Variants in SFMBT2 observed in about 807,000 individuals in gnomAD.
SFMBT2 encodes the protein Scm like with four mbt domains 2.
SFMBT2 carries 38 observed loss-of-function variants against 110.1 expected under a neutral mutation model. That is an observed-to-expected ratio of 0.35 (90% CI 0.27 to 0.45). The LOEUF is 0.45. Ranked by LOEUF, SFMBT2 falls within the 20% of genes least tolerant of loss-of-function variation. The pLI is 1.00. For missense variants in SFMBT2, 1,011 were observed against 1,094.9 expected, an observed-to-expected ratio of 0.92 and a Z score of 1.08; for synonymous variants, 425 against 425.4, an observed-to-expected ratio of 1.00 and a Z score of 0.01.
In SFMBT2 at chr10:7,159,034, T is replaced by C. The variant is rs1284986231; in HGVS notation, c.*4736A>G. 1 of 152,204 alleles carries C rather than the reference T, an allele frequency of 6.6e-6. No homozygotes were observed. The highest frequency in any genetic ancestry group is 1.5e-5 in the Non-Finnish European group (1 of 68,034). The allele number at this position is 152,204 out of a possible 1,614,324, so 9.4% of individuals were successfully genotyped here. A position where few individuals can be genotyped will look rare whatever the true frequency, so the allele number is the denominator to read the frequency against. ...CATTTAAAAAAATTTGCCTCAAATT[T>C]TTCATCCTAAGGTGATTTTTAGCCA... On this transcript the variant is annotated 3_prime_UTR_variant, in exon 21 of 21. Coordinates refer to ENST00000397167, the MANE Select transcript of SFMBT2 (RefSeq NM_001387889.1).
rs983062704 is a variant in SFMBT2, at chr10:7,203,717, C to G, written c.1445-1195G>C. The G allele has an allele frequency of 1.5e-5, 14 of 952,808 alleles. No homozygotes were observed. The African/African-American group carries it at 2.5e-4, about 17-fold the overall frequency. 59.0% of individuals were successfully genotyped at this position (952,808 alleles called of 1,614,324 possible). A position where few individuals can be genotyped will look rare whatever the true frequency, so the allele number is the denominator to read the frequency against. ...GGCTGAGCAAGGTCAGAATCTGCAG[C>G]TTTTTTTTTGTGAGACAGAGCGGAG... is the stretch of plus-strand genomic sequence containing the variant. On this transcript the variant is annotated intron_variant, in intron 12 of 20. Coordinates refer to ENST00000397167, the MANE Select transcript of SFMBT2 (RefSeq NM_001387889.1).
chr10:7,236,714 C>G (rs2131700362), intron 9 of SFMBT2, among the ~76,000 whole-genome samples: 1 of 151,860 alleles, frequency 6.6e-6, no homozygotes, highest in South Asian at 2.1e-4. Context: ...GAAAACACAT[C>G]AGTAGGAAGG....
rs968452187 is a variant in SFMBT2 at position 7,199,158 on chromosome 10, T to C, written c.1558+1256A>G. ...CATGCCCGGCTAATTTTTGTATTTT[T>C]AGTAGAGACAAGGTCTCACCATGTT... On this transcript the variant is annotated intron_variant, in intron 14 of 20. Transcript: ENST00000397167. 5.9e-5 allele frequency among the ~76,000 whole-genome samples: 9 copies of C among 152,012 alleles called. No homozygotes were observed. In the South Asian group the frequency reaches 1.9e-3, roughly 32 times the overall value.
intron 11 of SFMBT2, chr10:7,206,449 A>G (rs1257840786): frequency 2.0e-6 from 2 of 985,432 alleles, no homozygotes; most frequent in Non-Finnish European, 2.4e-6. Flanking sequence ...AAACTCAAAA[A>G]CAAGGTTTAT....
chr10:7,400,593 G>A (rs1433426337), intron 1 of SFMBT2, among the ~76,000 whole-genome samples: 1 of 152,266 alleles, frequency 6.6e-6, no homozygotes, highest in African/African-American at 2.4e-5. Context: ...GCTTGGCAGG[G>A]ATTAGCTCCT....
In SFMBT2 at chr10:7,247,001, G is replaced by A. The variant is rs550569601; in HGVS notation, c.972+1547C>T. 1.3e-4 allele frequency among the ~76,000 whole-genome samples: 20 copies of A among 152,240 alleles called. No individual in the cohort carries two copies. In the South Asian group the frequency reaches 4.0e-3, roughly 30 times the overall value. ...CTCCAAAGGCCATTTCAAATAAAAG[G>A]TTTTTAACGGATGCTAATCAGGAAT... is the stretch of plus-strand genomic sequence containing the variant. On this transcript the variant is annotated intron_variant, in intron 8 of 20. Transcript: ENST00000397167.
intron 1 of SFMBT2, among the ~76,000 whole-genome samples, chr10:7,398,786 A>G (rs1845992428): frequency 6.6e-6 from 1 of 152,160 alleles, no homozygotes; most frequent in Non-Finnish European, 1.5e-5. Context: ...AGCTAAGTAA[A>G]CCTTATATTC....
chr10:7,400,359 T>C (rs973939740), intron 1 of SFMBT2, among the ~76,000 whole-genome samples: 3 of 152,210 alleles, frequency 2.0e-5, no homozygotes, highest in African/African-American at 7.2e-5. Flanking sequence ...ACACTGTCTG[T>C]TTCTGTACAA....
intron 7 of SFMBT2, among the ~76,000 whole-genome samples, chr10:7,250,357 G>A (rs915667413): frequency 6.6e-6 from 1 of 152,126 alleles, no homozygotes; most frequent in Admixed American, 6.5e-5. Flanking sequence ...TTCTGATCCT[G>A]CATTAGTTTG....
intron 4 of SFMBT2, among the ~76,000 whole-genome samples, chr10:7,344,974 A>AG (rs1301363362): frequency 6.6e-6 from 1 of 151,342 alleles, no homozygotes; most frequent in East Asian, 1.9e-4. Flanking sequence ...AAAAAAAAAA[A>AG]AAAAAAGAGC....
chr10:7,186,570 A>G (rs988771624), intron 16 of SFMBT2, among the ~76,000 whole-genome samples: 3 of 151,912 alleles, frequency 2.0e-5, no homozygotes, highest in Non-Finnish European at 2.9e-5. Flanking sequence ...TCAGCTTCCC[A>G]AAGTGCAGGG....
At chr10:7,371,132 G>A (rs1010124827) in intron 2 of SFMBT2, among the ~76,000 whole-genome samples, 3 of 152,042 alleles carry the variant, frequency 2.0e-5, no homozygotes, top group African/African-American at 7.2e-5. Context: ...TTTTTGTTTT[G>A]TTTTTTTGAG....
chr10:7,234,803 C>A (rs950247049), intron 9 of SFMBT2, among the ~76,000 whole-genome samples: 25 of 151,842 alleles, frequency 1.6e-4, no homozygotes, highest in South Asian at 6.2e-4. Flanking sequence ...AAATAAAAAA[C>A]CAAAACCTGA....
intron 2 of SFMBT2, among the ~76,000 whole-genome samples, chr10:7,373,201 T>C (rs1257285804): frequency 1.3e-5 from 2 of 151,982 alleles, no homozygotes; most frequent in Non-Finnish European, 2.9e-5. Flanking sequence ...CGAGAGTGGG[T>C]TGTTAAGACC....
chr10:7,382,718 C>T (rs1431475308), intron 1 of SFMBT2, among the ~76,000 whole-genome samples: 1 of 152,232 alleles, frequency 6.6e-6, no homozygotes, highest in Non-Finnish European at 1.5e-5. Flanking sequence ...TCACGTGTTA[C>T]ACATGATCTG....
At chr10:7,176,739 G>A (rs1838068511) in intron 16 of SFMBT2, 1 of 152,470 alleles carries the variant, frequency 6.6e-6, no homozygotes, top group African/African-American at 2.4e-5. Context: ...GAAACACAAT[G>A]GATTTTATAA....
In SFMBT2 at chr10:7,251,703, T is replaced by C. The variant is rs148365524; in HGVS notation, c.871-3054A>G. Among the ~76,000 whole-genome samples the C allele has an allele frequency of 3.5e-3, 535 of 152,322 alleles. 4 individuals carry two copies. Among genetic ancestry groups the C allele is most frequent in the African/African-American group, 0.012 (500 of 41,562 alleles). ...GCTGTTTGACAACTCAGAGGTGCCC[T>C]CAGTCACTCCCGGCACATTCATAAC... On this transcript the variant is annotated intron_variant, in intron 7 of 20. Transcript: ENST00000397167.
At chr10:7,210,116 C>T (rs1363665194) in intron 11 of SFMBT2, among the ~76,000 whole-genome samples, 10 of 152,178 alleles carry the variant, frequency 6.6e-5, no homozygotes, top group Admixed American at 6.5e-4. Context: ...GCTTGCTACC[C>T]CCTTGTCCCC....
intron 8 of SFMBT2, among the ~76,000 whole-genome samples, chr10:7,244,478 T>C (rs957357869): frequency 9.2e-5 from 14 of 152,188 alleles, no homozygotes; most frequent in African/African-American, 3.4e-4. Context: ...ACACAAGTAT[T>C]TCCAAATGCA....
Sources: gnomAD v4.1 joint callset for allele counts (sites outside exome capture counted in the v4.1 genomes callset) on GRCh38, gnomAD v4.1.1 for gene constraint, MANE v1.5 for transcripts, NCBI Gene and HGNC (gene_info 2026-07-23, HGNC 2026-07-21) for gene names.